Variants in ERC2 observed in about 807,000 individuals in gnomAD.
The protein encoded by ERC2 is ELKS/RAB6-interacting/CAST family member 2.
A neutral mutation model predicts 114.8 loss-of-function variants in ERC2; 42 were observed. That is an observed-to-expected ratio of 0.37 (90% CI 0.29 to 0.47). The LOEUF (loss-of-function observed/expected upper bound fraction) is 0.47, where lower values mean the gene tolerates loss of function less well. Among genes scored for constraint, ERC2 ranks in the 20% least tolerant of loss-of-function variants. ERC2 has a pLI of 0.99. For synonymous variants in ERC2, 454 were observed against 425.5 expected (o/e 1.07, Z -0.82); for missense variants, 939 against 1,150.7 (o/e 0.82, Z 2.66).
At chr3:55,573,012 T>G (rs2056800631) in intron 17 of ERC2, among the ~76,000 whole-genome samples, 1 of 152,154 alleles carries the variant, frequency 6.6e-6, no homozygotes, top group Non-Finnish European at 1.5e-5. Context: ...TTGCTTAACT[T>G]CTCTGGGCCT....
At chr3:55,911,672 A>G (rs1482933718) in intron 13 of ERC2, among the ~76,000 whole-genome samples, 1 of 152,170 alleles carries the variant, frequency 6.6e-6, no homozygotes, top group Non-Finnish European at 1.5e-5. Context: ...CATGAATGAG[A>G]TTTCAGGTTC....
intron 17 of ERC2, among the ~76,000 whole-genome samples, chr3:55,630,460 C>G (rs1051071244): frequency 6.6e-6 from 1 of 152,220 alleles, no homozygotes; most frequent in South Asian, 2.1e-4. Context: ...TGAGCCACCA[C>G]GCCCGGCCAA....
At chr3:55,799,397 A>C (rs1575634162) in intron 14 of ERC2, among the ~76,000 whole-genome samples, 1 of 94,820 alleles carries the variant, frequency 1.1e-5, no homozygotes, top group South Asian at 3.0e-4. Context: ...ATATATATGC[A>C]TATATATATA....
rs978006921 is a variant in ERC2, at chr3:55,522,122, A to G, written c.*40-10846T>C. 3.3e-5 allele frequency among the ~76,000 whole-genome samples: 5 copies of G among 152,166 alleles called. No individual in the cohort carries two copies. In the East Asian group the frequency reaches 9.6e-4, roughly 29 times the overall value. On this transcript the variant is annotated intron_variant, in intron 17 of 17. Coordinates refer to ENST00000288221, the MANE Select transcript of ERC2 (RefSeq NM_015576.3). ...AACTATTTTTTAACTTCAACTTGCTACACACTTCTATGTGTTTTCTAAGCA... is the reference window on the plus strand; with the variant it reads ...AACTATTTTTTAACTTCAACTTGCTGCACACTTCTATGTGTTTTCTAAGCA...
chr3:55,707,061 C>T (rs189061813), intron 15 of ERC2, among the ~76,000 whole-genome samples: 1 of 152,324 alleles, frequency 6.6e-6, no homozygotes, highest in East Asian at 1.9e-4. Flanking sequence ...TGCTGATCTA[C>T]TGCTCCTATT....
At chr3:55,796,468 C>T (rs1042016966) in intron 14 of ERC2, among the ~76,000 whole-genome samples, 10 of 152,192 alleles carry the variant, frequency 6.6e-5, no homozygotes, top group African/African-American at 2.4e-4. Context: ...CTCTTTCGCC[C>T]AGGCTGGAGT....
intron 12 of ERC2, among the ~76,000 whole-genome samples, chr3:55,984,254 T>C (rs2070394732): frequency 6.6e-6 from 1 of 151,894 alleles, no homozygotes; most frequent in South Asian, 2.1e-4. Context: ...CCCTGTCTTC[T>C]GAGAGTCAGA....
intron 2 of ERC2, among the ~76,000 whole-genome samples, chr3:56,356,411 T>C (rs917130790): frequency 1.9e-4 from 29 of 152,142 alleles, no homozygotes; most frequent in African/African-American, 6.8e-4. Context: ...GTTGGTAAGC[T>C]CATGTAGGTG....
intron 3 of ERC2, among the ~76,000 whole-genome samples, chr3:56,206,809 C>T (rs2048763811): frequency 6.6e-6 from 1 of 152,238 alleles, no homozygotes; most frequent in African/African-American, 2.4e-5. Flanking sequence ...TAGGATGCTG[C>T]ACCTCCAAAT....
At chr3:55,578,654 A>G (rs2057106852) in intron 17 of ERC2, among the ~76,000 whole-genome samples, 1 of 152,218 alleles carries the variant, frequency 6.6e-6, no homozygotes, top group South Asian at 2.1e-4. Context: ...CTCAAATCTT[A>G]GTGGCTTAAA....
chr3:55,734,989 TTGAAA>T (rs1482840721), intron 14 of ERC2, 71 bp from the exon 15 acceptor site: 41 of 1,419,098 alleles, frequency 2.9e-5, no homozygotes, highest in Non-Finnish European at 3.8e-5. Context: ...GCATTTATAG[TTGAAA>T]TGAACCACAG....
At chr3:55,626,846 G>A (rs187205) in intron 17 of ERC2, among the ~76,000 whole-genome samples, 83,872 of 152,126 alleles carry the variant, frequency 0.55, 24,534 homozygotes, top group Non-Finnish European at 0.65. Flanking sequence ...GGTGACCCTG[G>A]ACAAGTAACA....
At chr3:56,334,340 G>A (rs76126043) in intron 2 of ERC2, among the ~76,000 whole-genome samples, 174 of 152,318 alleles carry the variant, frequency 1.1e-3, no homozygotes, top group African/African-American at 3.6e-3. Context: ...CAAGAGAATC[G>A]GAGACCAGTG....
At chr3:56,453,966 C>G (rs2062941241) in intron 1 of ERC2, among the ~76,000 whole-genome samples, 1 of 152,156 alleles carries the variant, frequency 6.6e-6, no homozygotes, top group African/African-American at 2.4e-5. Flanking sequence ...CCAGCTGTAA[C>G]TGACCCAAGC....
rs551342950 is a variant in ERC2, at chr3:55,906,224, A to C, written c.2404-17675T>G. ...GGGCGCGGTGGCTCACGAGGTCAGG[A>C]GATCGAGACCACCCTGGCTAACACG... On this transcript the variant is annotated intron_variant, in intron 13 of 17. Transcript: ENST00000288221. Among the ~76,000 whole-genome samples the C allele has an allele frequency of 1.0e-3, 151 of 150,468 alleles. No individual in the cohort carries two copies. In the Middle Eastern group the frequency reaches 0.011, roughly 11 times the overall value.
intron 6 of ERC2, among the ~76,000 whole-genome samples, chr3:56,125,753 G>A (rs1378049039): frequency 6.6e-6 from 1 of 152,092 alleles, no homozygotes; most frequent in Non-Finnish European, 1.5e-5. Flanking sequence ...TAGCTGAGTC[G>A]ATAAAAGGTC....
At position 56,437,181 on chromosome 3, in the gene ERC2, T is replaced by C. The variant is rs114129746; in HGVS notation, c.-140-2034A>G. ...CTCTCTTGCTCATTTTCCTCTACCATAGTAATTAGAATATTCCCAATCTAG... is the reference window on the plus strand; with the variant it reads ...CTCTCTTGCTCATTTTCCTCTACCACAGTAATTAGAATATTCCCAATCTAG... On this transcript the variant is annotated intron_variant, in intron 1 of 17. Coordinates refer to ENST00000288221, the MANE Select transcript of ERC2 (RefSeq NM_015576.3). Among the ~76,000 whole-genome samples the C allele has an allele frequency of 8.5e-3, 1,290 of 152,276 alleles. 19 individuals are homozygous for C. Among genetic ancestry groups the C allele is most frequent in the African/African-American group, 0.029 (1,202 of 41,548 alleles).
intron 17 of ERC2, among the ~76,000 whole-genome samples, chr3:55,670,432 T>C (rs967510964): frequency 6.6e-6 from 1 of 152,216 alleles, no homozygotes; most frequent in Non-Finnish European, 1.5e-5. Flanking sequence ...TGGGCCCATC[T>C]TCCCCTTCCC....
At chr3:55,538,225 G>C (rs888227679) in intron 17 of ERC2, among the ~76,000 whole-genome samples, 1 of 152,108 alleles carries the variant, frequency 6.6e-6, no homozygotes, top group African/African-American at 2.4e-5. Flanking sequence ...CCAGTTGCTG[G>C]GCTGTGCTTA....
Sources: gnomAD v4.1 joint callset for allele counts (sites outside exome capture counted in the v4.1 genomes callset) on GRCh38, gnomAD v4.1.1 for gene constraint, MANE v1.5 for transcripts, NCBI Gene and HGNC (gene_info 2026-07-23, HGNC 2026-07-21) for gene names.